Variants in INSR observed in about 807,000 individuals in gnomAD.
INSR encodes IR.
INSR carries 67 observed loss-of-function variants against 142.6 expected under a neutral mutation model. The ratio of observed to expected loss-of-function variants is 0.47; its 90% CI spans 0.39 to 0.58. The LOEUF is 0.58. Ranked by LOEUF, INSR falls within the 20% of genes least tolerant of loss-of-function variation. The pLI is 0.00. For synonymous variants in INSR, 756 were observed against 743.1 expected (o/e 1.02, Z -0.28); for missense variants, 1,248 against 1,833.2 (o/e 0.68, Z 5.83).
Position 7,119,411 on chromosome 19 carries a change from C to T in INSR, c.3794+38G>A, listed in dbSNP as rs753559160. On this transcript the variant is annotated intron_variant, in intron 21 of 21. Coordinates refer to ENST00000302850, the MANE Select transcript of INSR (RefSeq NM_000208.4). This position sits in a 1 kb window ranked among gnomAD's most constrained non-coding sequence, Gnocchi z 5.2. ...CGTGTAAAGGGCAATACCCTTTCAA[C>T]GAACACCTCACACACCTTAAACCCT... 21 of 1,613,556 alleles carry T rather than the reference C, an allele frequency of 1.3e-5. No homozygotes were observed. In the East Asian group the frequency reaches 2.0e-4, roughly 15 times the overall value.
At chr19:7,239,696 A>G (rs1364240897) in intron 2 of INSR, among the ~76,000 whole-genome samples, 3 of 152,296 alleles carry the variant, frequency 2.0e-5, no homozygotes, top group Non-Finnish European at 4.4e-5. Context: ...AACAATCTCA[A>G]TGCCTCCCAC....
intron 8 of INSR, among the ~76,000 whole-genome samples, chr19:7,165,552 A>T (rs1267283265): frequency 6.6e-6 from 1 of 152,074 alleles, no homozygotes; most frequent in Non-Finnish European, 1.5e-5. Flanking sequence ...ATAAGCCTCA[A>T]TACCCAGCTC....
At chr19:7,269,637 C>T (rs1322304215) in intron 1 of INSR, among the ~76,000 whole-genome samples, 4 of 150,868 alleles carry the variant, frequency 2.7e-5, no homozygotes, top group African/African-American at 9.8e-5. Context: ...CTGAGGCTCC[C>T]AGTCAGTCAC....
intron 2 of INSR, among the ~76,000 whole-genome samples, chr19:7,203,201 C>T (rs1421608509): frequency 6.6e-6 from 1 of 152,082 alleles, no homozygotes; most frequent in Non-Finnish European, 1.5e-5. Context: ...CGAAGTTTCT[C>T]CTTGCATTTC....
At chr19:7,238,553 A>G (rs1976233847) in intron 2 of INSR, among the ~76,000 whole-genome samples, 1 of 140,538 alleles carries the variant, frequency 7.1e-6, no homozygotes, top group Admixed American at 7.5e-5. Context: ...CCCAGGAGGT[A>G]GAGGTTGCAA....
In INSR at chr19:7,285,173, G is replaced by A. The variant is rs141638690; in HGVS notation, c.100+8619C>T. Among the ~76,000 whole-genome samples, 25 of 152,034 alleles carry A rather than the reference G, an allele frequency of 1.6e-4. No homozygotes were observed. The East Asian group carries it at 1.9e-3, about 12-fold the overall frequency. On this transcript the variant is annotated intron_variant, in intron 1 of 21. Transcript: ENST00000302850. ...CTGCTGAAAAGTTAAAAATTAGGCCGGGCACAGTGGCTCGCGCCTGTAATC... is the reference window on the plus strand; with the variant it reads ...CTGCTGAAAAGTTAAAAATTAGGCCAGGCACAGTGGCTCGCGCCTGTAATC...
At chr19:7,179,372 G>C (rs948596165) in intron 3 of INSR, among the ~76,000 whole-genome samples, 1 of 152,214 alleles carries the variant, frequency 6.6e-6, no homozygotes, top group Non-Finnish European at 1.5e-5. Flanking sequence ...ATGGAGGGCT[G>C]AGCCTTAAAC....
At chr19:7,287,094 C>A (rs566570673) in intron 1 of INSR, among the ~76,000 whole-genome samples, 1 of 152,162 alleles carries the variant, frequency 6.6e-6, no homozygotes, top group Admixed American at 6.6e-5. Context: ...ATGTAATCCT[C>A]CCACCTCAGC....
At chr19:7,158,268 A>AGACG (rs1973654368) in intron 9 of INSR, among the ~76,000 whole-genome samples, 1 of 151,988 alleles carries the variant, frequency 6.6e-6, no homozygotes, top group South Asian at 2.1e-4. Context: ...TGGGAGGCCA[A>AGACG]GGTGGGCAGA....
At chr19:7,221,842 A>G (rs1975630013) in intron 2 of INSR, among the ~76,000 whole-genome samples, 2 of 151,980 alleles carry the variant, frequency 1.3e-5, no homozygotes, top group African/African-American at 4.8e-5. Context: ...CCCCCCGTCC[A>G]CTTACCAGGA....
At chr19:7,129,124 C>T (rs1314225182) in intron 14 of INSR, among the ~76,000 whole-genome samples, 170 bp from the exon 15 acceptor site, 1 of 152,122 alleles carries the variant, frequency 6.6e-6, no homozygotes, top group Non-Finnish European at 1.5e-5. Context: ...AGTCCCGAAA[C>T]AGTCCCGTAG....
intron 3 of INSR, among the ~76,000 whole-genome samples, chr19:7,183,737 G>A (rs1974336401): frequency 6.6e-6 from 1 of 152,080 alleles, no homozygotes; most frequent in Non-Finnish European, 1.5e-5. Context: ...TTGTTCTGAA[G>A]CCAACCACAG....
At chr19:7,222,025 T>C (rs1032482044) in intron 2 of INSR, among the ~76,000 whole-genome samples, 4 of 91,192 alleles carry the variant, frequency 4.4e-5, no homozygotes, top group African/African-American at 2.0e-4. Context: ...ATGATCCTCC[T>C]AGCAATTTTT....
rs141589311 is a variant in INSR, at chr19:7,120,428, C to T, written c.3659+192G>A. Among the ~76,000 whole-genome samples the T allele has an allele frequency of 2.3e-3, 343 of 152,310 alleles. 3 individuals are homozygous for T. Among genetic ancestry groups the T allele is most frequent in the African/African-American group, 7.8e-3 (324 of 41,564 alleles). ...TTAACTGAGACCTGTCTCAGATTTT[C>T]GGGGTTCACAATGCCTACAGGATTA... On this transcript the variant is annotated intron_variant, in intron 20 of 21. Coordinates refer to ENST00000302850, the MANE Select transcript of INSR (RefSeq NM_000208.4).
Position 7,142,798 on chromosome 19 carries a change from C to G in INSR, c.2542+18G>C, listed in dbSNP as rs753166556. 6.2e-7 allele frequency: 1 copy of G among 1,613,526 alleles called. No homozygotes were observed. Among genetic ancestry groups the G allele is most frequent in the South Asian group, 1.1e-5 (1 of 91,050 alleles). On this transcript the variant is annotated intron_variant, in intron 12 of 21. Transcript: ENST00000302850. ...ATGTCCCACCCATGACACTCGGACCCCGGAGCAGCAGCCCTACCTTCAGGC... is the reference window on the plus strand; with the variant it reads ...ATGTCCCACCCATGACACTCGGACCGCGGAGCAGCAGCCCTACCTTCAGGC...
intron 3 of INSR, among the ~76,000 whole-genome samples, chr19:7,183,540 C>T (rs3786680): frequency 0.17 from 25,872 of 151,864 alleles, 3,457 homozygotes; most frequent in African/African-American, 0.37. Context: ...AATGCAGAAG[C>T]GAGTCTCTTC....
chr19:7,237,950 T>C (rs1420169248), intron 2 of INSR, among the ~76,000 whole-genome samples: 1 of 152,052 alleles, frequency 6.6e-6, no homozygotes, highest in Non-Finnish European at 1.5e-5. Flanking sequence ...AAAATCAAAA[T>C]GTTCAGTTAT....
At chr19:7,152,620 T>G (rs1254457798) in intron 10 of INSR, 106 bp downstream of exon 10, 1 of 933,834 alleles carries the variant, frequency 1.1e-6, no homozygotes, top group African/African-American at 1.6e-5. Flanking sequence ...CCACCCACCC[T>G]TCTGCCGTCT....
intron 20 of INSR, 142 bp downstream of exon 20, chr19:7,120,478 G>T: frequency 1.1e-6 from 1 of 929,610 alleles, no homozygotes; most frequent in Non-Finnish European, 1.7e-6. Context: ...GTAGCCGTGG[G>T]AAGATCCTAA....
Sources: allele counts gnomAD v4.1 joint callset (sites outside exome capture counted in the v4.1 genomes callset), GRCh38; gene constraint gnomAD v4.1.1; non-coding constraint Gnocchi (gnomAD v3.1); transcripts MANE v1.5; gene names NCBI Gene and HGNC (gene_info 2026-07-23, HGNC 2026-07-21).